The following GRID2 variants were observed in gnomAD, a reference collection of about 807,000 sequenced individuals.
The protein encoded by GRID2 is glutamate receptor ionotropic, delta-2.
In GRID2, 33 loss-of-function variants were observed where a neutral mutation model predicts 114.8. That is an observed-to-expected ratio of 0.29 (90% CI 0.22 to 0.38). GRID2 has a LOEUF of 0.38. GRID2 is among the 10% of genes least tolerant of loss of function. GRID2 has a pLI of 1.00. For missense variants in GRID2, 1,184 were observed against 1,257.7 expected (o/e 0.94, Z 0.89); for synonymous variants, 505 against 449.9 (o/e 1.12, Z -1.55).
chr4:93,781,904 G>A (rs1315503745), intron 1 of GRID2, among the ~76,000 whole-genome samples: 4 of 152,038 alleles, frequency 2.6e-5, no homozygotes, highest in African/African-American at 9.7e-5. Context: ...TTCACCCTCT[G>A]GATAATACAT....
intron 6 of GRID2, 35 bp from the exon 7 acceptor site, chr4:93,224,579 A>G (rs367665351): frequency 4.2e-5 from 60 of 1,429,350 alleles, no homozygotes; most frequent in South Asian, 9.2e-5. Context: ...ACTGGTGTCA[A>G]TGATTCTAAT....
intron 2 of GRID2, among the ~76,000 whole-genome samples, chr4:92,932,600 A>G (rs1750330343): frequency 6.6e-6 from 1 of 151,450 alleles, no homozygotes; most frequent in African/African-American, 2.4e-5. Context: ...CCACCAAAAT[A>G]CTTACACAAA....
At chr4:93,592,477 G>C (rs1359194609) in intron 13 of GRID2, among the ~76,000 whole-genome samples, 36 of 152,112 alleles carry the variant, frequency 2.4e-4, no homozygotes, top group East Asian at 7.8e-4. Flanking sequence ...TTACTTCCAA[G>C]TATGTGGTCA....
chr4:92,568,852 C>A (rs1406831911), intron 1 of GRID2, among the ~76,000 whole-genome samples: 1 of 152,020 alleles, frequency 6.6e-6, no homozygotes, highest in Non-Finnish European at 1.5e-5. Context: ...CATTAGTTTG[C>A]TAGAGTTAAC....
At chr4:93,614,478 A>G (rs1741375306) in intron 13 of GRID2, among the ~76,000 whole-genome samples, 1 of 152,204 alleles carries the variant, frequency 6.6e-6, no homozygotes, top group Non-Finnish European at 1.5e-5. Flanking sequence ...AAACCCATAA[A>G]ATATAGTGTG....
At chr4:92,437,113 T>A (rs1732771414) in intron 1 of GRID2, among the ~76,000 whole-genome samples, 5 of 152,222 alleles carry the variant, frequency 3.3e-5, no homozygotes, top group Admixed American at 3.3e-4. Context: ...TGTTCGTATT[T>A]GAATCATGTG....
chr4:92,605,450 A>G (rs1729410775), intron 2 of GRID2, among the ~76,000 whole-genome samples: 1 of 152,090 alleles, frequency 6.6e-6, no homozygotes, highest in African/African-American at 2.4e-5. Flanking sequence ...ATATACAAAG[A>G]GATCTAGAAA....
At chr4:92,559,941 G>T (rs1327863751) in intron 1 of GRID2, among the ~76,000 whole-genome samples, 1 of 152,056 alleles carries the variant, frequency 6.6e-6, no homozygotes, top group Non-Finnish European at 1.5e-5. Flanking sequence ...TTCATTAAAA[G>T]TCACAAAAGA....
chr4:93,616,323 C>A (rs983824071), intron 13 of GRID2, among the ~76,000 whole-genome samples: 2 of 151,766 alleles, frequency 1.3e-5, no homozygotes, highest in African/African-American at 4.8e-5. Context: ...GCACGCAGAT[C>A]ACTTGAAGCC....
At chr4:93,274,858 C>A (rs1751875935) in intron 8 of GRID2, among the ~76,000 whole-genome samples, 1 of 151,952 alleles carries the variant, frequency 6.6e-6, no homozygotes. Context: ...TGAAAAATAC[C>A]TATTCTACTT....
intron 1 of GRID2, among the ~76,000 whole-genome samples, chr4:92,556,972 C>T (rs1176678194): frequency 6.6e-6 from 1 of 152,138 alleles, no homozygotes; most frequent in East Asian, 1.9e-4. Flanking sequence ...AAATCATCAG[C>T]TCTTACTAAT....
At chr4:93,752,463 C>T (rs934500849) in intron 14 of GRID2, among the ~76,000 whole-genome samples, 5 of 152,110 alleles carry the variant, frequency 3.3e-5, no homozygotes, top group East Asian at 1.9e-4. Context: ...CTCCGCCTCC[C>T]GGGTTCACAC....
chr4:92,709,572 GAAAAAA>G (rs767320278), intron 2 of GRID2, among the ~76,000 whole-genome samples: 19 of 101,060 alleles, frequency 1.9e-4, no homozygotes, highest in African/African-American at 6.9e-4. Flanking sequence ...ATAGTGTAGA[GAAAAAA>G]AAAAAAAAAA....
chr4:93,209,980 T>C (rs1184238627), intron 5 of GRID2, among the ~76,000 whole-genome samples: 1 of 152,108 alleles, frequency 6.6e-6, no homozygotes, highest in Non-Finnish European at 1.5e-5. Context: ...CTTAAGTTTC[T>C]TGTAGAACTT....
intron 3 of GRID2, among the ~76,000 whole-genome samples, chr4:93,094,345 G>C (rs919247792): frequency 6.6e-6 from 1 of 151,914 alleles, no homozygotes. Flanking sequence ...ATATTTTAAG[G>C]ACACCTGGAA....
At chr4:93,727,525 CT>C (rs1456929180) in intron 14 of GRID2, among the ~76,000 whole-genome samples, 5 of 152,206 alleles carry the variant, frequency 3.3e-5, no homozygotes, top group Non-Finnish European at 2.9e-5. Flanking sequence ...AGGATTCCCT[CT>C]TTTTCTATTG....
At chr4:93,636,219 C>T (rs1721396835) in intron 14 of GRID2, among the ~76,000 whole-genome samples, 1 of 152,128 alleles carries the variant, frequency 6.6e-6, no homozygotes, top group African/African-American at 2.4e-5. Flanking sequence ...GACCAAGCTG[C>T]TTTTCAAGCA....
intron 14 of GRID2, among the ~76,000 whole-genome samples, chr4:93,741,174 C>CATATAT (rs376106965): frequency 0.036 from 1,469 of 40,834 alleles, 81 homozygotes; most frequent in South Asian, 0.041. Context: ...TATATATATA[C>CATATAT]ATATATATAT....
intron 10 of GRID2, among the ~76,000 whole-genome samples, chr4:93,436,083 T>G (rs1721052617): frequency 6.6e-6 from 1 of 152,176 alleles, no homozygotes; most frequent in Non-Finnish European, 1.5e-5. Context: ...TGGTTGCAAA[T>G]GACAATCCAA....
Sources: allele counts gnomAD v4.1 joint callset (sites outside exome capture counted in the v4.1 genomes callset), GRCh38; gene constraint gnomAD v4.1.1; transcripts MANE v1.5; gene names NCBI Gene and HGNC (gene_info 2026-07-23, HGNC 2026-07-21).